The following TBCA variants were observed in gnomAD, a reference collection of about 807,000 sequenced individuals.
The protein encoded by TBCA is tubulin folding cofactor A.
In TBCA, 6 loss-of-function variants were observed where a neutral mutation model predicts 15.8. The ratio of observed to expected loss-of-function variants is 0.38; its 90% CI spans 0.21 to 0.75. TBCA has a LOEUF of 0.75. TBCA is among the 30% of genes least tolerant of loss of function. The pLI is 0.46. For missense variants in TBCA, 90 were observed against 131.2 expected (o/e 0.69, Z 1.53); for synonymous variants, 32 against 42.3 (o/e 0.76, Z 0.94).
At chr5:77,760,977 G>A (rs1369764925) in intron 1 of TBCA, among the ~76,000 whole-genome samples, 1 of 151,322 alleles carries the variant, frequency 6.6e-6, no homozygotes, top group African/African-American at 2.4e-5. Flanking sequence ...GGGAAGTGAG[G>A]AGCGCCTCTG....
intron 1 of TBCA, among the ~76,000 whole-genome samples, chr5:77,764,709 A>G (rs1747731689): frequency 6.6e-6 from 1 of 152,212 alleles, no homozygotes; most frequent in Non-Finnish European, 1.5e-5. Context: ...TATGTATGTG[A>G]AACACTTTAT....
At chr5:77,712,136 T>C (rs1746292705) in intron 1 of TBCA, among the ~76,000 whole-genome samples, 4 of 152,042 alleles carry the variant, frequency 2.6e-5, no homozygotes, top group African/African-American at 7.2e-5. Context: ...GCTAAAGAGG[T>C]TTTATAGAGT....
At chr5:77,734,803 A>G (rs1746859177) in intron 1 of TBCA, among the ~76,000 whole-genome samples, 1 of 152,206 alleles carries the variant, frequency 6.6e-6, no homozygotes, top group South Asian at 2.1e-4. Flanking sequence ...GGAGTCCATC[A>G]ATGCAGCAAT....
At chr5:77,759,989 G>A (rs1747570805) in intron 1 of TBCA, among the ~76,000 whole-genome samples, 1 of 152,180 alleles carries the variant, frequency 6.6e-6, no homozygotes, top group African/African-American at 2.4e-5. Flanking sequence ...CAATGTCAGA[G>A]TTTGAGAATA....
chr5:77,744,126 C>T (rs1747113192), intron 1 of TBCA, among the ~76,000 whole-genome samples: 1 of 152,150 alleles, frequency 6.6e-6, no homozygotes, highest in South Asian at 2.1e-4. Flanking sequence ...TGATTCACAC[C>T]TCCATGCCCT....
At chr5:77,704,802 A>G (rs186842010) in intron 2 of TBCA, among the ~76,000 whole-genome samples, 125 of 152,352 alleles carry the variant, frequency 8.2e-4, no homozygotes, top group Non-Finnish European at 1.2e-3. Flanking sequence ...AACTATATAC[A>G]TGGTAGGTTG....
At chr5:77,703,337 T>G (rs1410827541) in intron 2 of TBCA, among the ~76,000 whole-genome samples, 2 of 152,018 alleles carry the variant, frequency 1.3e-5, no homozygotes, top group African/African-American at 4.8e-5. Context: ...CCAGGATAGG[T>G]TGAAAAACAA....
rs1380906522 is a variant in TBCA, at chr5:77,693,077, CT to C, written c.246+188del. The C allele has an allele frequency of 1.2e-4, 177 of 1,454,684 alleles. 1 individual carries two copies. In the Admixed American group the frequency reaches 2.7e-3, roughly 22 times the overall value. 90.1% of individuals were successfully genotyped at this position (1,454,684 alleles called of 1,614,324 possible). ...TGAACAAACATGCTAGAAAACAGTA[CT>C]TTTACTGGAGGCATAATTCAAAACA... On this transcript the variant is annotated intron_variant, in intron 3 of 3. Coordinates refer to ENST00000380377, the MANE Select transcript of TBCA (RefSeq NM_004607.3).
chr5:77,767,283 T>A (rs1747800616), intron 1 of TBCA, among the ~76,000 whole-genome samples: 2 of 152,120 alleles, frequency 1.3e-5, no homozygotes, highest in African/African-American at 2.4e-5. Flanking sequence ...CAAACCGAGT[T>A]AGAATACACA....
chr5:77,715,826 G>C (rs1746387281), intron 1 of TBCA, among the ~76,000 whole-genome samples: 1 of 152,182 alleles, frequency 6.6e-6, no homozygotes, highest in South Asian at 2.1e-4. Context: ...CAACACCTGT[G>C]TCATTAATTC....
chr5:77,707,673 C>G (rs1234492508), intron 2 of TBCA, among the ~76,000 whole-genome samples: 1 of 152,088 alleles, frequency 6.6e-6, no homozygotes, highest in Non-Finnish European at 1.5e-5. Flanking sequence ...TCACAAGTAG[C>G]CATTGAAAAG....
At position 77,712,454 on chromosome 5, in the gene TBCA, C is replaced by T. The variant is rs185192857; in HGVS notation, c.54-4107G>A. Among the ~76,000 whole-genome samples the T allele has an allele frequency of 2.2e-4, 33 of 152,180 alleles. No homozygotes were observed. The East Asian group carries it at 6.4e-3, about 29-fold the overall frequency. The stretch of plus-strand genomic sequence containing the variant: ...AATTAGTATCTTCTGGTGAATTTGG[C>T]TCCTCTCGTTTGCAGGAAAGGCTAA... On this transcript the variant is annotated intron_variant, in intron 1 of 3. Transcript: ENST00000380377.
At chr5:77,694,336 T>G (rs1224207164) in intron 2 of TBCA, 3 of 152,214 alleles carry the variant, frequency 2.0e-5, no homozygotes, top group African/African-American at 7.2e-5. Flanking sequence ...AATCTAAACT[T>G]CTTGCCTATT....
chr5:77,703,629 T>G (rs1746074803), intron 2 of TBCA, among the ~76,000 whole-genome samples: 1 of 152,004 alleles, frequency 6.6e-6, no homozygotes, highest in Admixed American at 6.6e-5. Context: ...CAGGCTGGAG[T>G]ACAGTGGCAT....
chr5:77,706,594 C>T (rs76192616), intron 2 of TBCA, among the ~76,000 whole-genome samples: 10,823 of 151,948 alleles, frequency 0.071, 536 homozygotes, highest in African/African-American at 0.14. Context: ...GTAGGCAGAT[C>T]GCCTGAGGTC....
chr5:77,751,389 G>C (rs1030290530), intron 1 of TBCA, among the ~76,000 whole-genome samples: 2 of 151,834 alleles, frequency 1.3e-5, no homozygotes, highest in Admixed American at 1.3e-4. Context: ...ATGTTGGCCA[G>C]GCTGGTCTCG....
intron 1 of TBCA, among the ~76,000 whole-genome samples, chr5:77,768,279 C>T (rs923518327): frequency 6.6e-6 from 1 of 152,072 alleles, no homozygotes; most frequent in African/African-American, 2.4e-5. Flanking sequence ...GGGCTAAGTG[C>T]TTTACATGAT....
At chr5:77,776,182 G>C (rs537512264) in intron 1 of TBCA, 23 bp downstream of exon 1, 1 of 1,554,414 alleles carries the variant, frequency 6.4e-7, no homozygotes. Flanking sequence ...AGGAGGTGCA[G>C]GGCGCCGCTC....
At chr5:77,727,239 GAAAAA>G (rs35477479) in intron 1 of TBCA, among the ~76,000 whole-genome samples, 1 of 81,042 alleles carries the variant, frequency 1.2e-5, no homozygotes, top group Non-Finnish European at 2.3e-5. Flanking sequence ...TCTGTCTCAG[GAAAAA>G]AAAAAAAAAA....
Sources: allele counts gnomAD v4.1 joint callset (sites outside exome capture counted in the v4.1 genomes callset), GRCh38; gene constraint gnomAD v4.1.1; transcripts MANE v1.5; gene names NCBI Gene and HGNC (gene_info 2026-07-23, HGNC 2026-07-21).